Variants in AFF4 observed in about 807,000 individuals in gnomAD.
AFF4 encodes AF4/FMR2 family member 4.
Under a neutral mutation model 124.8 loss-of-function variants are expected in AFF4, and 13 were observed. The observed-to-expected ratio is 0.10, with a 90% CI of 0.07 to 0.17. AFF4 has a LOEUF of 0.17. AFF4 is among the 10% of genes least tolerant of loss of function. The pLI is 1.00. For synonymous variants in AFF4, 477 were observed against 496.1 expected (o/e 0.96, Z 0.51); for missense variants, 1,092 against 1,403.8 (o/e 0.78, Z 3.55).
chr5:132,961,721 T>C (rs1364315783), intron 1 of AFF4, among the ~76,000 whole-genome samples: 1 of 152,194 alleles, frequency 6.6e-6, no homozygotes, highest in Non-Finnish European at 1.5e-5. Context: ...AGCTGGGCTC[T>C]TTTTTCAGAC....
chr5:132,946,148 A>C (rs1761693069), intron 1 of AFF4, among the ~76,000 whole-genome samples: 1 of 152,238 alleles, frequency 6.6e-6, no homozygotes, highest in Non-Finnish European at 1.5e-5. Flanking sequence ...GGCTATGATA[A>C]AAACAAAAAC....
At chr5:132,945,788 C>T (rs896781945) in intron 1 of AFF4, among the ~76,000 whole-genome samples, 2 of 151,538 alleles carry the variant, frequency 1.3e-5, no homozygotes, top group East Asian at 3.9e-4. Context: ...AGGCCGGGCA[C>T]GGTGGCTCGC....
intron 4 of AFF4, 83 bp downstream of exon 4, chr5:132,932,095 G>T: frequency 1.1e-6 from 1 of 928,178 alleles, no homozygotes; most frequent in Non-Finnish European, 1.6e-6. Context: ...GATCCTTTGT[G>T]AAATACAGGT....
chr5:132,963,132 G>A (rs980689964), intron 1 of AFF4, 127 bp downstream of exon 1: 1 of 349,982 alleles, frequency 2.9e-6, no homozygotes, highest in Non-Finnish European at 5.1e-6. Flanking sequence ...GCCTGATTGA[G>A]CAGCCCCAGC....
rs1174465005 is a variant in AFF4 at position 132,880,829 on chromosome 5, A to T, written c.*230T>A. On this transcript the variant is annotated 3_prime_UTR_variant, in exon 21 of 21. Coordinates refer to ENST00000265343, the MANE Select transcript of AFF4 (RefSeq NM_014423.4). The stretch of plus-strand genomic sequence containing the variant: ...TATCATAGCTCACGGAAACCATCTT[A>T]TCAATGTGCTGCAGATTTAAAAGCA... 2.6e-6 allele frequency: 1 copy of T among 383,038 alleles called. No homozygotes were observed. The highest frequency in any genetic ancestry group is 4.5e-6 in the Non-Finnish European group (1 of 219,812). 23.7% of individuals were successfully genotyped at this position (383,038 alleles called of 1,614,324 possible). A position where few individuals can be genotyped will look rare whatever the true frequency, so the allele number is the denominator to read the frequency against.
chr5:132,889,096 C>G lies in AFF4; in HGVS notation c.2715G>C (p.Lys905Asn). The change falls in exon 14 of 21, where the codon AAG becomes AAC. Residue 905 changes from lysine (K) to asparagine (N), a missense_variant. By Grantham distance (94) the Lys-to-Asn change is moderately conservative (BLOSUM62 0). Transcript: ENST00000265343. ...TLDSSKPRRT[K>N]LVFDDRNYSA... The stretch of plus-strand genomic sequence containing the variant: ...TATCTCACCTGTCATCAAAGACAAG[C>G]TTTGTTCTCCGAGGCTTAGAAGAAT... The G allele has an allele frequency of 6.2e-7, 1 of 1,613,328 alleles. No individual in the cohort carries two copies. Among genetic ancestry groups the G allele is most frequent in the Non-Finnish European group, 8.5e-7 (1 of 1,179,324 alleles).
intron 13 of AFF4, 65 bp downstream of exon 13, chr5:132,892,099 C>T (rs1217845547): frequency 1.2e-6 from 2 of 1,611,620 alleles, no homozygotes; most frequent in Admixed American, 1.7e-5. Context: ...AGCACAGTGT[C>T]ACCCTGGAAA....
intron 9 of AFF4, 82 bp from the exon 10 acceptor site, chr5:132,898,474 C>G: frequency 7.1e-7 from 1 of 1,412,056 alleles, no homozygotes; most frequent in Non-Finnish European, 9.5e-7. Flanking sequence ...AACCAACTTT[C>G]TTTTTTTCTT....
At chr5:132,935,030 G>A in intron 2 of AFF4, 89 bp from the exon 3 acceptor site, 1 of 1,063,510 alleles carries the variant, frequency 9.4e-7, no homozygotes, top group East Asian at 2.7e-5. Context: ...AACTTCGAAT[G>A]GAAAGGGGCT....
intron 13 of AFF4, chr5:132,891,794 TTCTA>T (rs1024023820): frequency 1.4e-5 from 4 of 277,574 alleles, no homozygotes; most frequent in African/African-American, 4.7e-5. Flanking sequence ...AATGACTGGT[TTCTA>T]TCTTTTTTTT....
At chr5:132,927,332 G>C (rs1012175292) in intron 4 of AFF4, 125 bp from the exon 5 acceptor site, 2 of 753,928 alleles carry the variant, frequency 2.7e-6, no homozygotes, top group Admixed American at 3.0e-5. Flanking sequence ...TACATACTTA[G>C]TCAATAAATA....
intron 9 of AFF4, 70 bp from the exon 10 acceptor site, chr5:132,898,462 ACAAC>A (rs900744980): frequency 5.8e-6 from 8 of 1,377,360 alleles, no homozygotes; most frequent in Non-Finnish European, 6.8e-6. Context: ...ATCCAAATCG[ACAAC>A]CAACTTTCTT....
Position 132,948,742 on chromosome 5 carries a change from T to C in AFF4, c.-4-11549A>G, listed in dbSNP as rs192726575. The C allele has an allele frequency of 4.4e-4, 83 of 186,700 alleles. 1 individual carries two copies. Among genetic ancestry groups the C allele is most frequent in the Non-Finnish European group, 4.5e-4 (37 of 82,894 alleles). 11.6% of individuals were successfully genotyped at this position (186,700 alleles called of 1,614,324 possible). ...GAGGAAGAAGACATGTTTTACAGTG[T>C]TCAGTCATTGAAATCAAGAAAGCGA... On this transcript the variant is annotated intron_variant, in intron 1 of 20. Transcript: ENST00000265343.
intron 1 of AFF4, chr5:132,948,486 AC>A (rs1735472898): frequency 6.5e-6 from 1 of 152,796 alleles, no homozygotes; most frequent in African/African-American, 2.4e-5. Context: ...AGCAGCAAAC[AC>A]AGCGTTATCA....
In AFF4 at chr5:132,897,225, T is replaced by C; in HGVS notation, c.1405A>G (p.Thr469Ala). The change falls in exon 11 of 21, where the codon ACA (threonine) becomes GCA (alanine). Residue 469 changes from threonine (T) to alanine (A), a missense_variant. This residue lies in a region of AFF4 where 18 missense variants were observed against 16.7 expected (regional missense o/e 1.08). Coordinates refer to ENST00000265343, the MANE Select transcript of AFF4 (RefSeq NM_014423.4). ...CAATTATCAAGTTGCCATTTGTTTG[T>C]TGGCGGGGGTTCAGGCTGAAAAACA... Reference protein sequence around the residue: ...SASPEPEPPPTNKWQLDNWLN... With the variant: ...SASPEPEPPPANKWQLDNWLN... The C allele has an allele frequency of 1.9e-6, 3 of 1,612,824 alleles. No individual in the cohort carries two copies. The highest frequency in any genetic ancestry group is 2.5e-6 in the Non-Finnish European group (3 of 1,178,942).
intron 3 of AFF4, among the ~76,000 whole-genome samples, chr5:132,933,459 AGCACTTT>A (rs1737993221): frequency 6.6e-6 from 1 of 152,066 alleles, no homozygotes; most frequent in Non-Finnish European, 1.5e-5. Context: ...CTGTAACCTT[AGCACTTT>A]GAAGGCCAAG....
Position 132,934,240 on chromosome 5 carries a change from G to A in AFF4, c.825C>T (p.Tyr275=), listed in dbSNP as rs757972152. The change falls in exon 3 of 21, where the codon TAC becomes TAT. Residue 275 remains tyrosine, a synonymous_variant. Transcript: ENST00000265343. The part of the protein sequence containing the change: ...SMEPKLSSEH[Y]SSQSHGNSMT... ...TGCTGTTGCCATGGGATTGGCTGCTGTAGTGCTCAGAGGACAGCTTTGGTT... is the reference window on the plus strand; with the variant it reads ...TGCTGTTGCCATGGGATTGGCTGCTATAGTGCTCAGAGGACAGCTTTGGTT... The A allele has an allele frequency of 6.2e-6, 10 of 1,614,082 alleles. No individual in the cohort carries two copies. In the African/African-American group the frequency reaches 1.2e-4, roughly 19 times the overall value.
chr5:132,891,652 C>T (rs1279847334), intron 13 of AFF4, among the ~76,000 whole-genome samples: 3 of 152,148 alleles, frequency 2.0e-5, no homozygotes, highest in Non-Finnish European at 4.4e-5. Flanking sequence ...TGTCACTTTA[C>T]GTAATATAAC....
intron 6 of AFF4, among the ~76,000 whole-genome samples, chr5:132,903,660 A>G (rs1184934332): frequency 9.9e-5 from 15 of 152,186 alleles, no homozygotes; most frequent in Non-Finnish European, 1.9e-4. Context: ...CAGATCAGAA[A>G]ACCAAGGAAG....
Sources: gnomAD v4.1 joint callset for allele counts (sites outside exome capture counted in the v4.1 genomes callset) on GRCh38, gnomAD v4.1.1 for gene constraint, gnomAD v4.1.1 regional missense constraint, MANE v1.5 for transcripts, NCBI Gene and HGNC (gene_info 2026-07-23, HGNC 2026-07-21) for gene names.